Variants in MYO5A observed in about 807,000 individuals in gnomAD.
MYO5A encodes unconventional myosin-Va.
A neutral mutation model predicts 249.7 loss-of-function variants in MYO5A; 98 were observed. The observed-to-expected ratio is 0.39, with a 90% CI of 0.33 to 0.46. The LOEUF (loss-of-function observed/expected upper bound fraction) is 0.46. Ranked by LOEUF, MYO5A falls within the 20% of genes least tolerant of loss-of-function variation. The pLI is 0.98. For synonymous variants in MYO5A, 778 were observed against 810.6 expected (o/e 0.96, Z 0.68); for missense variants, 1,696 against 2,308.8 (o/e 0.73, Z 5.44).
At chr15:52,484,778 G>C (rs2076784020) in intron 1 of MYO5A, among the ~76,000 whole-genome samples, 1 of 152,088 alleles carries the variant, frequency 6.6e-6, no homozygotes. Flanking sequence ...CGAGTAGCTG[G>C]GATTGCAGGC....
At chr15:52,343,009 A>C (rs1386296432) in intron 31 of MYO5A, 108 bp downstream of exon 31, 1 of 893,802 alleles carries the variant, frequency 1.1e-6, no homozygotes, top group Non-Finnish European at 1.9e-6. Flanking sequence ...TAATTTACCC[A>C]AGAAGACAAT....
intron 1 of MYO5A, among the ~76,000 whole-genome samples, chr15:52,520,283 C>T (rs949103655): frequency 1.3e-5 from 2 of 152,178 alleles, no homozygotes; most frequent in Admixed American, 1.3e-4. Flanking sequence ...GACTATCAAT[C>T]ACAGTGCCCT....
At chr15:52,404,250 AG>A (rs2042896756) in intron 9 of MYO5A, among the ~76,000 whole-genome samples, 1 of 143,692 alleles carries the variant, frequency 7.0e-6, no homozygotes, top group Non-Finnish European at 1.5e-5. Flanking sequence ...CTGGGCGACA[AG>A]AGTGAAACTC....
intron 1 of MYO5A, among the ~76,000 whole-genome samples, chr15:52,458,838 T>G (rs572161508): frequency 6.6e-6 from 1 of 152,232 alleles, no homozygotes; most frequent in African/African-American, 2.4e-5. Flanking sequence ...AGGTACCATT[T>G]TCAACTGTCA....
intron 9 of MYO5A, among the ~76,000 whole-genome samples, chr15:52,399,973 G>A (rs980265656): frequency 6.6e-6 from 1 of 152,186 alleles, no homozygotes; most frequent in East Asian, 1.9e-4. Context: ...TTGCTGCAAA[G>A]GGCATGATTT....
chr15:52,351,419 G>A lies in MYO5A; in HGVS notation c.3684C>T (p.Ala1228=). The A allele has an allele frequency of 6.2e-7, 1 of 1,614,096 alleles. No homozygotes were observed. Among genetic ancestry groups the A allele is most frequent in the Non-Finnish European group, 8.5e-7 (1 of 1,180,018 alleles). Residue 1228 remains alanine, a synonymous_variant, in exon 28 of 42, where the codon GCC becomes GCT. Coordinates refer to ENST00000399233, the MANE Select transcript of MYO5A (RefSeq NM_001382347.1). The stretch of plus-strand genomic sequence containing the variant: ...CCTCTGGGGCACTTTTCTCACTGAG[G>A]GCCTTGCGCAACTCATTTAGCTCAT... ...LKNELNELRK[A]LSEKSAPEVT...
At chr15:52,424,926 T>C (rs1350972949) in intron 4 of MYO5A, among the ~76,000 whole-genome samples, 3 of 152,206 alleles carry the variant, frequency 2.0e-5, no homozygotes. Flanking sequence ...CTGTTCAGGA[T>C]AACTGATGCC....
rs750043766 is a variant in MYO5A at position 52,528,750 on chromosome 15, G to A, written c.27+30C>T. 5.1e-5 allele frequency: 76 copies of A among 1,502,580 alleles called. 1 individual carries two copies. In the South Asian group the frequency reaches 7.9e-4, roughly 16 times the overall value. 93.1% of individuals were successfully genotyped at this position (1,502,580 alleles called of 1,614,324 possible). On this transcript the variant is annotated intron_variant, in intron 1 of 41. Coordinates refer to ENST00000399233, the MANE Select transcript of MYO5A (RefSeq NM_001382347.1). ...TGGCGGCGAGGGCCGCACAGCCCCA[G>A]TCCTCGACGCCGGCCGCGGGGTGCC...
rs768809182 is a variant in MYO5A at position 52,375,297 on chromosome 15, G to A, written c.2577+7C>T. On this transcript the variant is annotated splice_region_variant and intron_variant, in intron 20 of 41. Transcript: ENST00000399233. ...ATGAATAAACAAAGTTGAAAATAAT[G>A]CCTCACCTTGCGATACCTATTTCTG... 2 of 1,613,766 alleles carry A rather than the reference G, an allele frequency of 1.2e-6. No individual in the cohort carries two copies. Among genetic ancestry groups the A allele is most frequent in the African/African-American group, 1.3e-5 (1 of 74,894 alleles).
chr15:52,384,082 G>T, intron 15 of MYO5A, 79 bp downstream of exon 15: 1 of 1,570,122 alleles, frequency 6.4e-7, no homozygotes, highest in Non-Finnish European at 8.7e-7. Flanking sequence ...TCCCACCTGG[G>T]AGGCTGAAGA....
intron 1 of MYO5A, chr15:52,505,268 G>GGTA: frequency 1.3e-6 from 1 of 776,142 alleles, no homozygotes; most frequent in Admixed American, 1.7e-5. Context: ...TACATCAAGG[G>GGTA]GTATGTGCCA....
intron 1 of MYO5A, among the ~76,000 whole-genome samples, chr15:52,504,167 T>G (rs2077217268): frequency 6.6e-6 from 1 of 151,914 alleles, no homozygotes; most frequent in Non-Finnish European, 1.5e-5. Flanking sequence ...ACAACCATGG[T>G]TAGAAAACTG....
chr15:52,321,549 A>G (rs766136426), intron 37 of MYO5A, 40 bp from the exon 38 acceptor site: 4 of 1,605,126 alleles, frequency 2.5e-6, no homozygotes, highest in Non-Finnish European at 3.4e-6. Context: ...ACATGAAGTA[A>G]CCTGTCTCTT....
chr15:52,344,601 A>G (rs1179927644), intron 30 of MYO5A, among the ~76,000 whole-genome samples: 1 of 152,232 alleles, frequency 6.6e-6, no homozygotes, highest in Non-Finnish European at 1.5e-5. Flanking sequence ...ACTGGGTTAC[A>G]GGAATACTCT....
intron 13 of MYO5A, 103 bp from the exon 14 acceptor site, chr15:52,388,015 C>T: frequency 1.2e-6 from 1 of 862,038 alleles, no homozygotes; most frequent in East Asian, 2.7e-5. Flanking sequence ...ATACGATCAA[C>T]TCTCAGCAAA....
intron 18 of MYO5A, among the ~76,000 whole-genome samples, chr15:52,378,447 C>T (rs1057378851): frequency 2.9e-5 from 4 of 139,784 alleles, no homozygotes; most frequent in South Asian, 4.7e-4. Context: ...CTTGAACCCA[C>T]GAGGCGGAGG....
intron 1 of MYO5A, among the ~76,000 whole-genome samples, chr15:52,489,506 G>A (rs917675390): frequency 2.0e-5 from 3 of 151,238 alleles, no homozygotes; most frequent in Non-Finnish European, 4.4e-5. Flanking sequence ...AGAGGTTGCA[G>A]TGAGCCAAGA....
intron 11 of MYO5A, among the ~76,000 whole-genome samples, chr15:52,394,653 C>T (rs937453183): frequency 2.6e-5 from 4 of 152,250 alleles, no homozygotes; most frequent in Admixed American, 6.5e-5. Context: ...GAGGAAGAGA[C>T]GCAAGAGACC....
chr15:52,528,691 C>A, intron 1 of MYO5A, 89 bp downstream of exon 1: 1 of 1,411,110 alleles, frequency 7.1e-7, no homozygotes, highest in South Asian at 1.4e-5. Flanking sequence ...CTCGCCTGGG[C>A]CCGGCGCTCC....
Sources: gnomAD v4.1 joint callset for allele counts (sites outside exome capture counted in the v4.1 genomes callset) on GRCh38, gnomAD v4.1.1 for gene constraint, MANE v1.5 for transcripts, NCBI Gene and HGNC (gene_info 2026-07-23, HGNC 2026-07-21) for gene names.